The following SNTG1 variants were observed in gnomAD, a reference collection of about 807,000 sequenced individuals.
The protein encoded by SNTG1 is gamma-1-syntrophin.
A neutral mutation model predicts 74.7 loss-of-function variants in SNTG1; 39 were observed. The ratio of observed to expected loss-of-function variants is 0.52; its 90% CI spans 0.40 to 0.68. The LOEUF is 0.68. Ranked by LOEUF, SNTG1 falls within the 30% of genes least tolerant of loss-of-function variation. SNTG1 has a pLI of 0.00. For synonymous variants in SNTG1, 254 were observed against 217.1 expected (o/e 1.17, Z -1.49); for missense variants, 685 against 609.5 (o/e 1.12, Z -1.30).
chr8:50,408,415 C>A lies in SNTG1; in HGVS notation c.162+6071C>A, dbSNP rs181094649. 5.9e-5 allele frequency among the ~76,000 whole-genome samples: 9 copies of A among 152,292 alleles called. No individual in the cohort carries two copies. In the East Asian group the frequency reaches 1.2e-3, roughly 20 times the overall value. Reference sequence around the variant, plus strand: ...CTAGGGAGTCAGTTATGCCAGATTTCTCTCATTGTTATAATTGTGCAAAAG... The same window carrying A: ...CTAGGGAGTCAGTTATGCCAGATTTATCTCATTGTTATAATTGTGCAAAAG... On this transcript the variant is annotated intron_variant, in intron 4 of 18. Coordinates refer to ENST00000642720, the MANE Select transcript of SNTG1 (RefSeq NM_018967.5).
rs191887788 is a variant in SNTG1, at chr8:50,073,909, C to T, written c.-102-98652C>T. ...TACTGTCAACTGATATGGTGTTGTC[C>T]GGCTTTGTTGTTCCATTTCTAGAGC... On this transcript the variant is annotated intron_variant, in intron 1 of 18. Coordinates refer to ENST00000642720, the MANE Select transcript of SNTG1 (RefSeq NM_018967.5). Among the ~76,000 whole-genome samples, 222 of 149,418 alleles carry T rather than the reference C, an allele frequency of 1.5e-3. No homozygotes were observed. In the Middle Eastern group the frequency reaches 0.021, roughly 14 times the overall value.
At chr8:50,093,120 A>T (rs1233993822) in intron 1 of SNTG1, among the ~76,000 whole-genome samples, 1 of 152,104 alleles carries the variant, frequency 6.6e-6, no homozygotes, top group Admixed American at 6.6e-5. Flanking sequence ...GTGGGTGGAC[A>T]GTCATTGTTA....
intron 2 of SNTG1, among the ~76,000 whole-genome samples, chr8:50,182,429 A>G (rs1042461122): frequency 6.6e-6 from 1 of 152,214 alleles, no homozygotes; most frequent in Non-Finnish European, 1.5e-5. Context: ...GGGTATAAAC[A>G]CTATAAGAAA....
At chr8:50,055,114 A>G (rs183938131) in intron 1 of SNTG1, among the ~76,000 whole-genome samples, 54 of 152,154 alleles carry the variant, frequency 3.5e-4, no homozygotes, top group Non-Finnish European at 1.5e-5. Flanking sequence ...TCTTTCCCAC[A>G]CTAACCTCAA....
At chr8:49,951,114 A>G (rs1022968323) in intron 1 of SNTG1, among the ~76,000 whole-genome samples, 3 of 152,298 alleles carry the variant, frequency 2.0e-5, no homozygotes, top group Non-Finnish European at 4.4e-5. Flanking sequence ...TGAGACTAAG[A>G]AAGATTATAT....
At chr8:50,441,857 G>A (rs1247244440) in intron 5 of SNTG1, among the ~76,000 whole-genome samples, 3 of 152,084 alleles carry the variant, frequency 2.0e-5, no homozygotes, top group Non-Finnish European at 4.4e-5. Flanking sequence ...AGGAATTACT[G>A]ATTTATCTTC....
In SNTG1 at chr8:50,526,779, A is replaced by T. The variant is rs188996946; in HGVS notation, c.467-3398A>T. ...GCTGGGACTACAGGCGCTTGCCACC[A>T]CACCAGGCTAATTTTTGTATTTTTA... On this transcript the variant is annotated intron_variant, in intron 9 of 18. Transcript: ENST00000642720. Among the ~76,000 whole-genome samples the T allele has an allele frequency of 8.6e-3, 1,314 of 152,132 alleles. 12 individuals are homozygous for T. Among genetic ancestry groups the T allele is most frequent in the Non-Finnish European group, 0.014 (938 of 67,990 alleles).
chr8:50,590,820 G>T, intron 12 of SNTG1, 59 bp from the exon 13 acceptor site: 1 of 1,099,608 alleles, frequency 9.1e-7, no homozygotes, highest in South Asian at 1.5e-5. Context: ...TAAAATTCTG[G>T]GGACCTTGTG....
intron 5 of SNTG1, among the ~76,000 whole-genome samples, chr8:50,448,600 C>T (rs918887065): frequency 2.0e-5 from 3 of 152,138 alleles, no homozygotes; most frequent in Non-Finnish European, 4.4e-5. Flanking sequence ...CATTTCTCTA[C>T]TACTGCTTTT....
intron 1 of SNTG1, among the ~76,000 whole-genome samples, chr8:49,928,217 C>T: frequency 1.3e-5 from 1 of 78,704 alleles, no homozygotes; most frequent in South Asian, 6.8e-4. Context: ...GAAGATGTGT[C>T]CATGCAGTTT....
chr8:50,280,897 T>A (rs953038252), intron 2 of SNTG1, among the ~76,000 whole-genome samples: 19 of 144,352 alleles, frequency 1.3e-4, no homozygotes, highest in African/African-American at 4.9e-4. Context: ...CTCACGCCTG[T>A]AATCCCAGCA....
At position 50,704,609 on chromosome 8, in the gene SNTG1, C is replaced by G; in HGVS notation, c.1048C>G (p.Leu350Val). 1.2e-6 allele frequency: 2 copies of G among 1,614,116 alleles called. No individual in the cohort carries two copies. Among genetic ancestry groups the G allele is most frequent in the Non-Finnish European group, 1.7e-6 (2 of 1,180,016 alleles). Residue 350 changes from leucine (L) to valine (V), a missense_variant, in exon 16 of 19, where the codon CTG (leucine) becomes GTG (valine). By Grantham distance (32) the Leu-to-Val change is conservative (BLOSUM62 1). Coordinates refer to ENST00000642720, the MANE Select transcript of SNTG1 (RefSeq NM_018967.5). The part of the protein sequence containing the change: ...IMCKILKDSD[L>V]LDRRKQCFTV... ...TCCAGGTTTTCACCAGGACAGTGAC[C>G]TGCTGGACCGACGGAAACAGTGCTT...
intron 2 of SNTG1, among the ~76,000 whole-genome samples, chr8:50,300,695 A>G (rs1459115699): frequency 6.6e-6 from 1 of 152,160 alleles, no homozygotes; most frequent in Admixed American, 6.5e-5. Context: ...TGTGGATTCA[A>G]GTTACCATCT....
intron 1 of SNTG1, among the ~76,000 whole-genome samples, chr8:49,971,819 G>A (rs1811708899): frequency 6.6e-6 from 1 of 152,114 alleles, no homozygotes; most frequent in Non-Finnish European, 1.5e-5. Flanking sequence ...GGAAGTGAAG[G>A]ACCTCTTCAA....
At chr8:50,408,118 G>C (rs1297501759) in intron 4 of SNTG1, among the ~76,000 whole-genome samples, 1 of 152,188 alleles carries the variant, frequency 6.6e-6, no homozygotes, top group Non-Finnish European at 1.5e-5. Flanking sequence ...CCTAGGTGCT[G>C]TTTATGCCTA....
intron 2 of SNTG1, among the ~76,000 whole-genome samples, chr8:50,347,504 A>G (rs2091516758): frequency 6.6e-6 from 1 of 152,228 alleles, no homozygotes; most frequent in Admixed American, 6.5e-5. Flanking sequence ...CTGCTAACAC[A>G]GTATCTATTC....
At chr8:50,237,342 A>C (rs933440696) in intron 2 of SNTG1, among the ~76,000 whole-genome samples, 3 of 152,160 alleles carry the variant, frequency 2.0e-5, no homozygotes, top group Admixed American at 6.5e-5. Context: ...TTTTGGCAAG[A>C]ATACTTTATT....
At chr8:50,635,247 AC>A (rs1381714651) in intron 13 of SNTG1, among the ~76,000 whole-genome samples, 1 of 152,074 alleles carries the variant, frequency 6.6e-6, no homozygotes, top group East Asian at 1.9e-4. Flanking sequence ...GATCTGTAAA[AC>A]TAAAGTGACA....
chr8:50,553,154 ACATTTCAAAT>A lies in SNTG1; in HGVS notation c.787_796del (p.Ile263SerfsTer15). ...GACTGGCTACAAGCAATAGCAACTAACATTTCAAATCTCACAAAGCACAATGTAAGTAATG... is the reference window on the plus strand; with the variant it reads ...GACTGGCTACAAGCAATAGCAACTAACTCACAAAGCACAATGTAAGTAATG... On this transcript the variant is annotated frameshift_variant, in exon 12 of 19. Transcript: ENST00000642720. LOFTEE classifies it high-confidence loss of function. 1 of 1,613,904 alleles carries A rather than the reference ACATTTCAAAT, an allele frequency of 6.2e-7. No individual in the cohort carries two copies. Among genetic ancestry groups the A allele is most frequent in the South Asian group, 1.1e-5 (1 of 91,078 alleles).
Sources: allele counts gnomAD v4.1 joint callset (sites outside exome capture counted in the v4.1 genomes callset), GRCh38; gene constraint gnomAD v4.1.1; transcripts MANE v1.5; gene names NCBI Gene and HGNC (gene_info 2026-07-23, HGNC 2026-07-21).